The following NF2 variants were observed in gnomAD, a reference collection of about 807,000 sequenced individuals.
NF2 encodes the protein NF2, moesin-ezrin-radixin like (MERLIN) tumor suppressor.
In NF2, 8 loss-of-function variants were observed where a neutral mutation model predicts 83.7. The observed-to-expected ratio is 0.10, with a 90% CI of 0.06 to 0.17. NF2 has a LOEUF of 0.17. NF2 is among the 10% of genes least tolerant of loss of function. The pLI is 1.00. For synonymous variants in NF2, 266 were observed against 269.6 expected (o/e 0.99, Z 0.13); for missense variants, 533 against 744.4 (o/e 0.72, Z 3.31).
intron 15 of NF2, among the ~76,000 whole-genome samples, chr22:29,685,555 T>C (rs2147139124): frequency 6.6e-6 from 1 of 151,890 alleles, no homozygotes; most frequent in Admixed American, 6.6e-5. Context: ...CTACAGGCAT[T>C]TGCCACCATG....
chr22:29,649,173 A>G (rs2066070372), intron 4 of NF2, among the ~76,000 whole-genome samples: 1 of 152,176 alleles, frequency 6.6e-6, no homozygotes, highest in Non-Finnish European at 1.5e-5. Context: ...ACAAAAGGCC[A>G]CATATTTTAT....
chr22:29,630,633 TTC>T (rs1470349422), intron 1 of NF2, among the ~76,000 whole-genome samples: 4 of 152,190 alleles, frequency 2.6e-5, no homozygotes, highest in Admixed American at 1.3e-4. Context: ...TTGTGCTCCT[TTC>T]TCTCTTTCTT....
intron 4 of NF2, among the ~76,000 whole-genome samples, chr22:29,652,156 C>T (rs1047070516): frequency 2.0e-5 from 3 of 152,118 alleles, no homozygotes; most frequent in African/African-American, 7.2e-5. Context: ...CTCAAGGCCT[C>T]AGAAGGGGTA....
In NF2 at chr22:29,650,951, T is replaced by A. The variant is rs139619726; in HGVS notation, c.448-3706T>A. ...TGTAGATGCTCCATGTATTATGAGT[T>A]ATCAACCTTTTGTCTATTTTACGTA... On this transcript the variant is annotated intron_variant, in intron 4 of 15. Coordinates refer to ENST00000338641, the MANE Select transcript of NF2 (RefSeq NM_000268.4). Among the ~76,000 whole-genome samples the A allele has an allele frequency of 4.2e-3, 644 of 152,354 alleles. 4 individuals are homozygous for A. Among genetic ancestry groups the A allele is most frequent in the African/African-American group, 0.015 (616 of 41,584 alleles).
chr22:29,664,433 T>A (rs1010603639), intron 8 of NF2, among the ~76,000 whole-genome samples: 2 of 151,626 alleles, frequency 1.3e-5, no homozygotes, highest in African/African-American at 4.8e-5. Context: ...TCTACCTTAT[T>A]TCTGGTTTTG....
At chr22:29,604,790 G>C (rs1438155572) in intron 1 of NF2, among the ~76,000 whole-genome samples, 3 of 152,170 alleles carry the variant, frequency 2.0e-5, no homozygotes, top group African/African-American at 7.2e-5. Flanking sequence ...CAGTAAGCAA[G>C]GGTTGGCATG....
intron 11 of NF2, among the ~76,000 whole-genome samples, chr22:29,673,064 C>T (rs1403000263): frequency 6.6e-6 from 1 of 152,228 alleles, no homozygotes. Context: ...GCTCTTGTTA[C>T]TCCCCATGGG....
intron 15 of NF2, chr22:29,683,509 G>A: frequency 2.6e-6 from 3 of 1,136,808 alleles, no homozygotes; most frequent in Non-Finnish European, 3.3e-6. Flanking sequence ...CAAGACCCAT[G>A]GTCACACCTG....
chr22:29,670,060 G>A (rs1336476833), intron 10 of NF2, among the ~76,000 whole-genome samples: 1 of 151,932 alleles, frequency 6.6e-6, no homozygotes, highest in African/African-American at 2.4e-5. Flanking sequence ...GTGCAGTGGT[G>A]CCATCATAGC....
rs2067053298 is a variant in NF2 at position 29,679,100 on chromosome 22, G to A, written c.1574+777G>A. Reference sequence around the variant, plus strand: ...CCTGCTAACTTACAAACATCAAAATGACATCAAAGGTAGGTTTTCATGTTC... The same window carrying A: ...CCTGCTAACTTACAAACATCAAAATAACATCAAAGGTAGGTTTTCATGTTC... On this transcript the variant is annotated intron_variant, in intron 14 of 15. Transcript: ENST00000338641. Among the ~76,000 whole-genome samples, 4 of 152,254 alleles carry A rather than the reference G, an allele frequency of 2.6e-5. No homozygotes were observed. In the South Asian group the frequency reaches 8.3e-4, roughly 32 times the overall value.
chr22:29,676,174 T>G (rs2066957859), intron 13 of NF2, among the ~76,000 whole-genome samples: 1 of 144,778 alleles, frequency 6.9e-6, no homozygotes, highest in African/African-American at 2.6e-5. Flanking sequence ...TTATTTATTA[T>G]TTTTTTTTTT....
rs538292938 is a variant in NF2 at position 29,690,349 on chromosome 22, C to A, written c.1738-4403C>A. Among the ~76,000 whole-genome samples the A allele has an allele frequency of 1.1e-3, 164 of 152,272 alleles. 1 individual carries two copies. The highest frequency in any genetic ancestry group is 2.7e-3 in the Admixed American group (42 of 15,300). ...GGTGGATGTGTCTGTTTTTGTCACA[C>A]CACACACAATTTGGGGAGCGTAAGG... On this transcript the variant is annotated intron_variant, in intron 15 of 15. Coordinates refer to ENST00000338641, the MANE Select transcript of NF2 (RefSeq NM_000268.4).
At chr22:29,644,039 CCGGA>C (rs2065900334) in intron 4 of NF2, among the ~76,000 whole-genome samples, 1 of 151,500 alleles carries the variant, frequency 6.6e-6, no homozygotes, top group African/African-American at 2.4e-5. Context: ...CACCTCCCTC[CCGGA>C]CGGGGTGGCT....
intron 10 of NF2, among the ~76,000 whole-genome samples, chr22:29,670,312 TTTTC>T (rs147260738): frequency 0.31 from 46,980 of 151,582 alleles, 7,443 homozygotes; most frequent in Non-Finnish European, 0.36. Flanking sequence ...TGACTGGGCT[TTTTC>T]TTTCTTTCTT....
chr22:29,688,606 GTGC>G (rs1482592765), intron 15 of NF2, among the ~76,000 whole-genome samples: 1 of 152,260 alleles, frequency 6.6e-6, no homozygotes, highest in African/African-American at 2.4e-5. Flanking sequence ...CCGCCGGCCA[GTGC>G]CACAGGGCAG....
intron 13 of NF2, among the ~76,000 whole-genome samples, chr22:29,675,173 G>A (rs1172044468): frequency 6.6e-6 from 1 of 152,216 alleles, no homozygotes; most frequent in Non-Finnish European, 1.5e-5. Context: ...AGGCAACAGG[G>A]CCTTTTCCAG....
At chr22:29,608,885 T>G (rs149523369) in intron 1 of NF2, 27 of 485,788 alleles carry the variant, frequency 5.6e-5, no homozygotes, top group African/African-American at 4.9e-4. Flanking sequence ...TAACTTGCCC[T>G]TGGGAACCAG....
intron 1 of NF2, chr22:29,609,415 A>G (rs147190969): frequency 1.3e-4 from 69 of 518,468 alleles, no homozygotes; most frequent in Non-Finnish European, 1.9e-4. Context: ...TGGCAGTGCT[A>G]TGGTGAGGAG....
chr22:29,658,614 C>T (rs1258307435), intron 7 of NF2, among the ~76,000 whole-genome samples: 1 of 146,812 alleles, frequency 6.8e-6, no homozygotes, highest in East Asian at 2.1e-4. Context: ...CAACACACAC[C>T]CCACCCCCAT....
Sources: gnomAD v4.1 joint callset for allele counts (sites outside exome capture counted in the v4.1 genomes callset) on GRCh38, gnomAD v4.1.1 for gene constraint, MANE v1.5 for transcripts, NCBI Gene and HGNC (gene_info 2026-07-23, HGNC 2026-07-21) for gene names.